ZPBP2: variants seen among roughly 807,000 people sequenced by gnomAD.
ZPBP2 encodes the protein zona pellucida binding protein 2.
A neutral mutation model predicts 37.5 loss-of-function variants in ZPBP2; 34 were observed. The ratio of observed to expected loss-of-function variants is 0.91; its 90% confidence interval spans 0.69 to 1.21. The LOEUF (loss-of-function observed/expected upper bound fraction) is 1.21. ZPBP2 is among the 50% of genes most tolerant of loss of function. ZPBP2 has a pLI of 0.00. For synonymous variants in ZPBP2, 143 were observed against 138.4 expected (o/e 1.03, Z -0.23); for missense variants, 397 against 413.5 (o/e 0.96, Z 0.35).
chr17:39,872,227 A>C, intron 4 of ZPBP2, 43 bp from the exon 5 acceptor site: 2 of 1,445,778 alleles, frequency 1.4e-6, no homozygotes, highest in East Asian at 4.6e-5. Flanking sequence ...AATTAATGCT[A>C]GGTACGATTG....
chr17:39,874,152 C>T (rs924162520), intron 6 of ZPBP2, among the ~76,000 whole-genome samples: 3 of 151,768 alleles, frequency 2.0e-5, no homozygotes, highest in Non-Finnish European at 2.9e-5. Flanking sequence ...CACCCACACC[C>T]GGCTAATTTT....
intron 4 of ZPBP2, 66 bp from the exon 5 acceptor site, chr17:39,872,204 G>C (rs1172894671): frequency 2.4e-6 from 3 of 1,264,806 alleles, no homozygotes; most frequent in Non-Finnish European, 3.3e-6. Context: ...TTTGAAAATT[G>C]TTTGGTAGAG....
At position 39,877,005 on chromosome 17, in the gene ZPBP2, A is replaced by G. The variant is rs534441364; in HGVS notation, c.*196A>G. 3 of 533,484 alleles carry G rather than the reference A, an allele frequency of 5.6e-6. No homozygotes were observed. Among genetic ancestry groups the G allele is most frequent in the Non-Finnish European group, 9.6e-6 (3 of 311,608 alleles). 33.0% of individuals were successfully genotyped at this position (533,484 alleles called of 1,614,324 possible). A position where few individuals can be genotyped will look rare whatever the true frequency, so the allele number is the denominator to read the frequency against. ...ATTTAATCCAGTATCTCTAGTGTAC[A>G]AAGGAAACTTGAAGTTTTAATGGAT... On this transcript the variant is annotated 3_prime_UTR_variant, in exon 8 of 8. Coordinates refer to ENST00000348931, the MANE Select transcript of ZPBP2 (RefSeq NM_199321.3).
At chr17:39,869,283 C>T (rs1470503570) in intron 2 of ZPBP2, among the ~76,000 whole-genome samples, 1 of 152,138 alleles carries the variant, frequency 6.6e-6, no homozygotes, top group Non-Finnish European at 1.5e-5. Flanking sequence ...CACACATCTT[C>T]CTAATATGCC....
At chr17:39,868,749 C>A in intron 2 of ZPBP2, 135 bp downstream of exon 2, 1 of 975,000 alleles carries the variant, frequency 1.0e-6, no homozygotes, top group Non-Finnish European at 1.6e-6. Context: ...ATCTGCTTGG[C>A]AGTTCACGAC....
intron 7 of ZPBP2, among the ~76,000 whole-genome samples, 159 bp downstream of exon 7, chr17:39,875,593 ATTTTTTTTT>A (rs71152615): frequency 7.5e-5 from 11 of 146,110 alleles, no homozygotes; most frequent in African/African-American, 2.8e-4. Context: ...CAAAGCCCCA[ATTTTTTTTT>A]TTTTTGTTTT....
rs749322122 is a variant in ZPBP2, at chr17:39,873,166, C to A, written c.708+40C>A. ...GTAAGGAAGAAGTATTTGTCTTTTT[C>A]TTTTTTTAGAGACAGGGTGTCACCC... On this transcript the variant is annotated intron_variant, in intron 6 of 7. Coordinates refer to ENST00000348931, the MANE Select transcript of ZPBP2 (RefSeq NM_199321.3). 6.3e-6 allele frequency: 10 copies of A among 1,584,902 alleles called. No homozygotes were observed. The South Asian group carries it at 1.0e-4, about 17-fold the overall frequency.
At chr17:39,871,850 G>A (rs1048585196) in intron 4 of ZPBP2, among the ~76,000 whole-genome samples, 1 of 152,088 alleles carries the variant, frequency 6.6e-6, no homozygotes, top group Admixed American at 6.5e-5. Context: ...ATCTAGATAT[G>A]TAAGCGCATC....
chr17:39,868,458 C>T (rs992161172), intron 1 of ZPBP2, 52 bp downstream of exon 1: 40 of 1,611,996 alleles, frequency 2.5e-5, no homozygotes, highest in Non-Finnish European at 3.2e-5. Flanking sequence ...CCGAGCTTCC[C>T]GGTCCTGCCT....
rs1361793331 is a variant in ZPBP2, at chr17:39,871,517, T to G, written c.298T>G (p.Leu100Val). ...TGGACAGCTGATGGTGAAAGATTTT[T>G]TGGAGCCTTTGTCTGGACTTTACAC... ...ETGQLMVKDF[L>V]EPLSGLYTCT... The change falls in exon 4 of 8, where the codon TTG becomes GTG. Residue 100 changes from leucine to valine, a missense_variant. Transcript: ENST00000348931. 1 of 1,607,810 alleles carries G rather than the reference T, an allele frequency of 6.2e-7. No homozygotes were observed. The highest frequency in any genetic ancestry group is 8.5e-7 in the Non-Finnish European group (1 of 1,177,408).
In ZPBP2 at chr17:39,872,503, ATTTC is replaced by A. The variant is rs1297555826; in HGVS notation, c.625+19_625+22del. The A allele has an allele frequency of 6.6e-7, 1 of 1,514,966 alleles. No homozygotes were observed. The highest frequency in any genetic ancestry group is 8.9e-7 in the Non-Finnish European group (1 of 1,126,716). The allele number at this position is 1,514,966 out of a possible 1,614,324, so 93.8% of individuals were successfully genotyped here. A position where few individuals can be genotyped will look rare whatever the true frequency, so the allele number is the denominator to read the frequency against. On this transcript the variant is annotated intron_variant, in intron 5 of 7. Transcript: ENST00000348931. ...AGCATTTCAAGGTAAAATTTTTAAA[ATTTC>A]TTTAATTTTGAATTTAGTCCTGAAC...
Position 39,876,842 on chromosome 17 carries a change from C to A in ZPBP2, c.*33C>A. 6.2e-7 allele frequency: 1 copy of A among 1,610,300 alleles called. No individual in the cohort carries two copies. The highest frequency in any genetic ancestry group is 1.1e-5 in the South Asian group (1 of 90,710). On this transcript the variant is annotated 3_prime_UTR_variant, in exon 8 of 8. Coordinates refer to ENST00000348931, the MANE Select transcript of ZPBP2 (RefSeq NM_199321.3). ...AGCATTGTTACTTACTTGTGGAAGT[C>A]GGGGACATAAGATGATTTTCACATC... is the stretch of plus-strand genomic sequence containing the variant.
chr17:39,870,325 G>A (rs1260018778), intron 2 of ZPBP2, among the ~76,000 whole-genome samples: 4 of 152,176 alleles, frequency 2.6e-5, no homozygotes, highest in African/African-American at 7.2e-5. Flanking sequence ...TTACAGGCGT[G>A]AGCCACCGTG....
Position 39,872,266 on chromosome 17 carries a change from A to T in ZPBP2, c.407-4A>T, listed in dbSNP as rs756921870. The T allele has an allele frequency of 7.1e-5, 107 of 1,497,970 alleles. No homozygotes were observed. The highest frequency in any genetic ancestry group is 2.5e-4 in the Admixed American group (11 of 44,892). The allele number at this position is 1,497,970 out of a possible 1,614,324, so 92.8% of individuals were successfully genotyped here. A position where few individuals can be genotyped will look rare whatever the true frequency, so the allele number is the denominator to read the frequency against. On this transcript the variant is annotated splice_region_variant and splice_polypyrimidine_tract_variant and intron_variant, in intron 4 of 7. Coordinates refer to ENST00000348931, the MANE Select transcript of ZPBP2 (RefSeq NM_199321.3). The stretch of plus-strand genomic sequence containing the variant: ...TCACTCTCATCTTTCTTTTTTTTTT[A>T]AAGCCTATCGGGAACCTGATTATTC...
intron 2 of ZPBP2, 75 bp downstream of exon 2, chr17:39,868,689 G>A: frequency 1.9e-6 from 3 of 1,540,754 alleles, no homozygotes; most frequent in Non-Finnish European, 2.7e-6. Context: ...AGAGCTTCCT[G>A]GAGAGAAGGG....
At chr17:39,869,651 C>A (rs111940435) in intron 2 of ZPBP2, among the ~76,000 whole-genome samples, 8 of 149,736 alleles carry the variant, frequency 5.3e-5, no homozygotes, top group Non-Finnish European at 1.2e-4. Flanking sequence ...GTGATCCGCA[C>A]GTCTTAGCCT....
In ZPBP2 at chr17:39,877,643, A is replaced by G. The variant is rs2063396660; in HGVS notation, c.*834A>G. On this transcript the variant is annotated 3_prime_UTR_variant, in exon 8 of 8. Transcript: ENST00000348931. ...CCACTGATCTTTTTACTGTCTCTACAGTTTTGCCTTTTCCAAAATGTCATG... is the reference window on the plus strand; with the variant it reads ...CCACTGATCTTTTTACTGTCTCTACGGTTTTGCCTTTTCCAAAATGTCATG... 1 of 152,084 alleles carries G rather than the reference A, an allele frequency of 6.6e-6. No individual in the cohort carries two copies. The highest frequency in any genetic ancestry group is 1.5e-5 in the Non-Finnish European group (1 of 68,004). The allele number at this position is 152,084 out of a possible 1,614,324, so 9.4% of individuals were successfully genotyped here. A position where few individuals can be genotyped will look rare whatever the true frequency, so the allele number is the denominator to read the frequency against.
At chr17:39,868,738 C>A in intron 2 of ZPBP2, 124 bp downstream of exon 2, 1 of 1,094,308 alleles carries the variant, frequency 9.1e-7, no homozygotes, top group Non-Finnish European at 1.4e-6. Context: ...TTATACTAAG[C>A]ATCTGCTTGG....
intron 4 of ZPBP2, 105 bp downstream of exon 4, chr17:39,871,730 CAAT>C: frequency 2.2e-6 from 2 of 891,420 alleles, no homozygotes; most frequent in Non-Finnish European, 1.6e-6. Flanking sequence ...TGACTGTCAC[CAAT>C]TATGACTTAC....
Sources: allele counts gnomAD v4.1 joint callset (sites outside exome capture counted in the v4.1 genomes callset), GRCh38; gene constraint gnomAD v4.1.1; transcripts MANE v1.5; gene names NCBI Gene and HGNC (gene_info 2026-07-23, HGNC 2026-07-21).